Variants in ZNF536 observed in about 807,000 individuals in gnomAD.
The protein encoded by ZNF536 is zinc finger protein 536.
A neutral mutation model predicts 84.5 loss-of-function variants in ZNF536; 13 were observed. The ratio of observed to expected loss-of-function variants is 0.15; its 90% CI spans 0.10 to 0.24. The LOEUF (loss-of-function observed/expected upper bound fraction) is 0.24. Among genes scored for constraint, ZNF536 ranks in the 10% least tolerant of loss-of-function variants. The pLI, the probability that ZNF536 is intolerant of heterozygous loss-of-function variation, is 1.00. For synonymous variants in ZNF536, 811 were observed against 742.5 expected (o/e 1.09, Z -1.50); for missense variants, 1,536 against 1,747.5 (o/e 0.88, Z 2.16).
rs573161115 is a variant in ZNF536 at position 30,393,789 on chromosome 19, C to T, written c.-3+21233C>T. ...GCTGAGCTGGAGAGAAAGATTGAGG[C>T]GACGCCACAGAGGCCTTGATGAAGG... is the stretch of plus-strand genomic sequence containing the variant. On this transcript the variant is annotated intron_variant, in intron 1 of 4. Transcript: ENST00000355537. Among the ~76,000 whole-genome samples, 159 of 152,176 alleles carry T rather than the reference C, an allele frequency of 1.0e-3. 1 individual carries two copies. The highest frequency in any genetic ancestry group is 3.6e-3 in the African/African-American group (151 of 41,504).
intron 1 of ZNF536, among the ~76,000 whole-genome samples, chr19:30,647,835 C>T (rs1052051318): frequency 2.0e-4 from 30 of 152,306 alleles, no homozygotes; most frequent in African/African-American, 7.2e-4. Flanking sequence ...ATGCCCCCAG[C>T]TGTCCTACAG....
chr19:30,229,787 G>C (rs1487317240), intron 1 of ZNF536, among the ~76,000 whole-genome samples: 1 of 152,166 alleles, frequency 6.6e-6, no homozygotes, highest in African/African-American at 2.4e-5. Flanking sequence ...CCTGACAAAT[G>C]CAGAACCGCC....
upstream of ZNF536, among the ~76,000 whole-genome samples, chr19:30,225,843 G>A (rs964497051): frequency 1.9e-3 from 282 of 150,376 alleles, 5 homozygotes; most frequent in Non-Finnish European, 4.3e-4. Context: ...TCTCGGCGAG[G>A]CCTGCCGCCC....
At chr19:30,293,902 G>A (rs1038044257) in intron 2 of ZNF536, among the ~76,000 whole-genome samples, 1 of 152,182 alleles carries the variant, frequency 6.6e-6, no homozygotes, top group Non-Finnish European at 1.5e-5. Flanking sequence ...GGAGAAGTAT[G>A]TGATAACCTA....
At chr19:30,422,345 C>T (rs866545365) in intron 1 of ZNF536, among the ~76,000 whole-genome samples, 6 of 152,124 alleles carry the variant, frequency 3.9e-5, no homozygotes, top group Admixed American at 1.3e-4. Context: ...AGCCCCTCTC[C>T]TCTTTAGCAT....
chr19:30,296,955 G>A lies in ZNF536; in HGVS notation c.-120+12814G>A, dbSNP rs183300262. 5.3e-5 allele frequency among the ~76,000 whole-genome samples: 8 copies of A among 152,298 alleles called. No individual in the cohort carries two copies. In the East Asian group the frequency reaches 1.5e-3, roughly 29 times the overall value. On this transcript the variant is annotated intron_variant, in intron 2 of 5. Coordinates refer to the ZNF536 transcript ENST00000585628. Reference sequence around the variant, plus strand: ...TACAGCTGATGTTGGCAGTGGAGAGGGGAAGGTGAGAGTAAAACTTCCAGA... The same window carrying A: ...TACAGCTGATGTTGGCAGTGGAGAGAGGAAGGTGAGAGTAAAACTTCCAGA...
intron 1 of ZNF536, among the ~76,000 whole-genome samples, chr19:30,659,290 G>A (rs2050032543): frequency 1.3e-5 from 2 of 151,594 alleles, no homozygotes; most frequent in Admixed American, 1.3e-4. Context: ...TACATGGCCA[G>A]GGCAGGAGGA....
chr19:30,496,693 T>G (rs769008524), intron 2 of ZNF536, among the ~76,000 whole-genome samples: 10 of 151,992 alleles, frequency 6.6e-5, no homozygotes, highest in Non-Finnish European at 1.2e-4. Context: ...TGGGGGGGTT[T>G]GGGCAGCACC....
chr19:30,567,758 G>A (rs932114316), intron 1 of ZNF536, among the ~76,000 whole-genome samples: 5 of 152,082 alleles, frequency 3.3e-5, no homozygotes, highest in Non-Finnish European at 7.3e-5. Flanking sequence ...AAAACCCGGC[G>A]TCACTGGAGA....
chr19:30,537,529 G>A (rs895651752), intron 3 of ZNF536, among the ~76,000 whole-genome samples: 4 of 152,166 alleles, frequency 2.6e-5, no homozygotes, highest in Non-Finnish European at 4.4e-5. Context: ...GAGGAAAGGC[G>A]GTGCCTCTCA....
chr19:30,702,126 T>C (rs2148007151), intron 1 of ZNF536, among the ~76,000 whole-genome samples: 1 of 152,228 alleles, frequency 6.6e-6, no homozygotes, highest in South Asian at 2.1e-4. Flanking sequence ...TGGATGGCCC[T>C]CCCAAGGGCA....
At chr19:30,505,404 T>G (rs2055133141) in intron 2 of ZNF536, among the ~76,000 whole-genome samples, 1 of 147,914 alleles carries the variant, frequency 6.8e-6, no homozygotes, top group African/African-American at 2.5e-5. Context: ...TAAGATATAT[T>G]AAGATATGAA....
chr19:30,464,916 GGAAA>G (rs371941268), intron 2 of ZNF536, among the ~76,000 whole-genome samples: 175 of 152,184 alleles, frequency 1.1e-3, no homozygotes, highest in African/African-American at 3.9e-3. Flanking sequence ...GAATTTGGAT[GGAAA>G]GTGGCTGGAA....
intron 1 of ZNF536, among the ~76,000 whole-genome samples, chr19:30,418,526 G>A (rs2050825482): frequency 6.6e-6 from 1 of 152,132 alleles, no homozygotes; most frequent in African/African-American, 2.4e-5. Flanking sequence ...AAATAAACTT[G>A]TGCATCCTTC....
chr19:30,577,164 A>C (rs1010916938), intron 1 of ZNF536, among the ~76,000 whole-genome samples: 2 of 152,196 alleles, frequency 1.3e-5, no homozygotes, highest in African/African-American at 4.8e-5. Flanking sequence ...CGGCTCTTTA[A>C]TACCAAAATA....
chr19:30,571,424 A>T (rs1363863523), intron 1 of ZNF536, among the ~76,000 whole-genome samples: 1 of 152,244 alleles, frequency 6.6e-6, no homozygotes, highest in Non-Finnish European at 1.5e-5. Flanking sequence ...AGTAGGGGTC[A>T]AGATGCCCAA....
chr19:30,362,833 G>A (rs1568360299), intron 3 of ZNF536, among the ~76,000 whole-genome samples: 1 of 152,090 alleles, frequency 6.6e-6, no homozygotes, highest in African/African-American at 2.4e-5. Context: ...GGCCGATGTG[G>A]GCAGATCACA....
intron 1 of ZNF536, among the ~76,000 whole-genome samples, chr19:30,258,089 G>A (rs1303162388): frequency 6.6e-6 from 1 of 152,168 alleles, no homozygotes; most frequent in African/African-American, 2.4e-5. Context: ...GTTCTCCACT[G>A]GCTGCCATTT....
intron 2 of ZNF536, among the ~76,000 whole-genome samples, chr19:30,466,897 G>C (rs2148483168): frequency 6.6e-6 from 1 of 152,282 alleles, no homozygotes; most frequent in East Asian, 1.9e-4. Context: ...CTAGAGTGCA[G>C]TGGCACGATC....
Sources: gnomAD v4.1 joint callset for allele counts (sites outside exome capture counted in the v4.1 genomes callset) on GRCh38, gnomAD v4.1.1 for gene constraint, MANE v1.5 for transcripts, NCBI Gene and HGNC (gene_info 2026-07-23, HGNC 2026-07-21) for gene names.